Variants in NCEH1 observed in about 807,000 individuals in gnomAD.
NCEH1 encodes 2-acetyl MAGE hydrolase.
NCEH1 carries 9 observed loss-of-function variants against 25.4 expected under a neutral mutation model. The observed-to-expected ratio is 0.35, with a 90% CI of 0.21 to 0.62. NCEH1 has a LOEUF of 0.62. Among genes scored for constraint, NCEH1 ranks in the 20% least tolerant of loss-of-function variants. The pLI is 0.72. For synonymous variants in NCEH1, 200 were observed against 199.8 expected, an observed-to-expected ratio of 1.00 and a Z score of -0.01; for missense variants, 412 against 501.1, an observed-to-expected ratio of 0.82 and a Z score of 1.70.
chr3:172,645,630 A>G lies in NCEH1; in HGVS notation c.430T>C (p.Ser144Pro). 6.3e-7 allele frequency: 1 copy of G among 1,594,612 alleles called. No individual in the cohort carries two copies. The highest frequency in any genetic ancestry group is 8.6e-7 in the Non-Finnish European group (1 of 1,168,050). Reference sequence around the variant, plus strand: ...CTAGCATTAATTACTTACTCAATGGAAACAATGACAGCATTCAATTCCTCA... The same window carrying G: ...CTAGCATTAATTACTTACTCAATGGGAACAATGACAGCATTCAATTCCTCA... ...MAEELNAVIV[S>P]IEYRLVPKVY... The change falls in exon 3 of 5, where the codon TCC becomes CCC. Residue 144 changes from serine (S) to proline (P), a missense_variant. Ser to Pro is a moderately conservative substitution (Grantham distance 74). Coordinates refer to ENST00000475381, the MANE Select transcript of NCEH1 (RefSeq NM_020792.6).
chr3:172,665,645 C>T (rs575222446), intron 1 of NCEH1, among the ~76,000 whole-genome samples: 1 of 152,198 alleles, frequency 6.6e-6, no homozygotes, highest in Non-Finnish European at 1.5e-5. Context: ...CCACCCAGTT[C>T]GAGCTTCCTG....
At chr3:172,655,040 T>C (rs1372572431) in intron 1 of NCEH1, among the ~76,000 whole-genome samples, 1 of 152,258 alleles carries the variant, frequency 6.6e-6, no homozygotes, top group Admixed American at 6.5e-5. Flanking sequence ...CCAAAGAGAC[T>C]GCCTGGACGC....
chr3:172,706,501 T>TTTC (rs10623090), intron 1 of NCEH1, among the ~76,000 whole-genome samples: 16,042 of 143,404 alleles, frequency 0.11, 1,293 homozygotes, highest in African/African-American at 0.23. Context: ...ACATTTTTCT[T>TTTC]TTTTTTTTTT....
chr3:172,650,186 G>C (rs759043187), intron 1 of NCEH1, among the ~76,000 whole-genome samples: 10 of 152,152 alleles, frequency 6.6e-5, no homozygotes, highest in Non-Finnish European at 1.5e-4. Flanking sequence ...ACAGTGGTGT[G>C]GGGGTAGAAG....
At chr3:172,689,062 A>C (rs1482840036) in intron 1 of NCEH1, among the ~76,000 whole-genome samples, 2 of 152,072 alleles carry the variant, frequency 1.3e-5, no homozygotes, top group Non-Finnish European at 2.9e-5. Flanking sequence ...ACTTTGGTTT[A>C]CTCCTTGACT....
At chr3:172,657,597 A>G (rs1208021061) in intron 1 of NCEH1, among the ~76,000 whole-genome samples, 1 of 152,162 alleles carries the variant, frequency 6.6e-6, no homozygotes, top group Non-Finnish European at 1.5e-5. Context: ...TGAATTCTAG[A>G]TAACAGTCTT....
intron 3 of NCEH1, among the ~76,000 whole-genome samples, chr3:172,639,948 G>C (rs1023426287): frequency 6.6e-6 from 1 of 152,210 alleles, no homozygotes; most frequent in Non-Finnish European, 1.5e-5. Context: ...TAACTTGTCT[G>C]TAACAGCTAG....
intron 2 of NCEH1, among the ~76,000 whole-genome samples, chr3:172,646,440 T>C (rs1717126306): frequency 6.6e-6 from 1 of 152,200 alleles, no homozygotes; most frequent in Non-Finnish European, 1.5e-5. Flanking sequence ...GAATATGGTA[T>C]TTTCTTTAAA....
intron 2 of NCEH1, among the ~76,000 whole-genome samples, chr3:172,647,246 G>A (rs562089164): frequency 9.9e-5 from 15 of 152,274 alleles, no homozygotes; most frequent in East Asian, 7.7e-4. Flanking sequence ...ACAAGACCCC[G>A]AATTCCGCCT....
chr3:172,687,788 A>G (rs946334717), intron 1 of NCEH1, among the ~76,000 whole-genome samples: 15 of 152,326 alleles, frequency 9.8e-5, no homozygotes, highest in Admixed American at 9.2e-4. Context: ...GCAATGAGTT[A>G]AAAAATGTTT....
intron 3 of NCEH1, among the ~76,000 whole-genome samples, chr3:172,637,504 G>C (rs1716647203): frequency 6.6e-6 from 1 of 152,152 alleles, no homozygotes; most frequent in African/African-American, 2.4e-5. Context: ...TGTAATCCCA[G>C]CACTTTGGGA....
chr3:172,670,258 C>T (rs985782425), intron 1 of NCEH1, among the ~76,000 whole-genome samples: 2 of 152,204 alleles, frequency 1.3e-5, no homozygotes, highest in African/African-American at 4.8e-5. Flanking sequence ...CAAAGAGGTT[C>T]TCAAGAGCTG....
chr3:172,705,140 G>C (rs552844362), intron 1 of NCEH1, among the ~76,000 whole-genome samples: 62 of 152,280 alleles, frequency 4.1e-4, no homozygotes, highest in African/African-American at 1.4e-3. Flanking sequence ...ATTATCCCTG[G>C]GGGGAAAAGT....
intron 1 of NCEH1, among the ~76,000 whole-genome samples, chr3:172,685,649 C>G (rs1013901878): frequency 2.0e-5 from 3 of 152,120 alleles, no homozygotes; most frequent in African/African-American, 4.8e-5. Flanking sequence ...CTTCTGCAAC[C>G]CTAACTTTTT....
chr3:172,675,504 AAAGG>A (rs887926661), intron 1 of NCEH1, among the ~76,000 whole-genome samples: 4 of 152,060 alleles, frequency 2.6e-5, no homozygotes, highest in East Asian at 1.9e-4. Context: ...CTGGTTTTTT[AAAGG>A]AAGGATGTTT....
At chr3:172,659,520 C>T (rs967081071) in intron 1 of NCEH1, among the ~76,000 whole-genome samples, 1 of 152,158 alleles carries the variant, frequency 6.6e-6, no homozygotes, top group African/African-American at 2.4e-5. Flanking sequence ...CTTTATAGCA[C>T]CCTCCTTGGT....
At chr3:172,653,323 A>C (rs573861471) in intron 1 of NCEH1, among the ~76,000 whole-genome samples, 1 of 152,302 alleles carries the variant, frequency 6.6e-6, no homozygotes, top group African/African-American at 2.4e-5. Flanking sequence ...AACCAAGCAG[A>C]AACTGTGCTC....
intron 1 of NCEH1, among the ~76,000 whole-genome samples, chr3:172,687,200 C>A (rs1200216270): frequency 6.6e-6 from 1 of 152,178 alleles, no homozygotes; most frequent in Admixed American, 6.5e-5. Context: ...ACCCATGCCA[C>A]CCGCTTCTCT....
intron 1 of NCEH1, among the ~76,000 whole-genome samples, chr3:172,653,243 T>C (rs1181783025): frequency 2.6e-5 from 4 of 151,970 alleles, no homozygotes; most frequent in African/African-American, 9.7e-5. Flanking sequence ...GACAAAGAAA[T>C]CCGGTGGGGC....
Sources: allele counts gnomAD v4.1 joint callset (sites outside exome capture counted in the v4.1 genomes callset), GRCh38; gene constraint gnomAD v4.1.1; transcripts MANE v1.5; gene names NCBI Gene and HGNC (gene_info 2026-07-23, HGNC 2026-07-21).